The following BLK variants were observed in gnomAD, a reference collection of about 807,000 sequenced individuals.
BLK encodes tyrosine-protein kinase Blk.
Under a neutral mutation model 61.8 loss-of-function variants are expected in BLK, and 64 were observed. The observed-to-expected ratio is 1.03, with a 90% CI of 0.85 to 1.27. BLK has a LOEUF of 1.27. Ranked by LOEUF, BLK falls within the 50% of genes most tolerant of loss-of-function variation. The pLI is 0.00. For synonymous variants in BLK, 351 were observed against 272.0 expected, an observed-to-expected ratio of 1.29 and a Z score of -2.86; for missense variants, 853 against 660.5, an observed-to-expected ratio of 1.29 and a Z score of -3.19.
At chr8:11,542,997 T>C (rs1199502719) in intron 1 of BLK, among the ~76,000 whole-genome samples, 1 of 152,138 alleles carries the variant, frequency 6.6e-6, no homozygotes, top group Non-Finnish European at 1.5e-5. Flanking sequence ...AGGATTTCTG[T>C]GTCCTAAATG....
At chr8:11,523,168 A>G (rs1417757751) in intron 1 of BLK, among the ~76,000 whole-genome samples, 1 of 152,158 alleles carries the variant, frequency 6.6e-6, no homozygotes, top group East Asian at 1.9e-4. Flanking sequence ...TGAACGACAC[A>G]GGAAAGATTA....
chr8:11,531,881 CAG>C (rs1294636351), intron 1 of BLK, among the ~76,000 whole-genome samples: 1 of 152,164 alleles, frequency 6.6e-6, no homozygotes, highest in Non-Finnish European at 1.5e-5. Flanking sequence ...GTTTTTGAGA[CAG>C]AGTCTCGCCC....
chr8:11,498,884 T>C (rs1377048215), intron 1 of BLK, among the ~76,000 whole-genome samples: 3 of 152,236 alleles, frequency 2.0e-5, no homozygotes. Context: ...CAGGGTGCAC[T>C]CAATTCTCAA....
chr8:11,504,688 T>G (rs1047077584), intron 1 of BLK, among the ~76,000 whole-genome samples: 1 of 152,258 alleles, frequency 6.6e-6, no homozygotes, highest in African/African-American at 2.4e-5. Flanking sequence ...ATATGGTGAC[T>G]TGCTGTTTGA....
At chr8:11,543,155 AT>A (rs899822881) in intron 1 of BLK, 68 bp from the exon 2 acceptor site, 51 of 1,609,416 alleles carry the variant, frequency 3.2e-5, no homozygotes, top group Non-Finnish European at 4.2e-5. Flanking sequence ...GGGGCCAGGG[AT>A]CCCCTCTGTG....
At chr8:11,502,848 G>C (rs905216560) in intron 1 of BLK, among the ~76,000 whole-genome samples, 1 of 152,164 alleles carries the variant, frequency 6.6e-6, no homozygotes, top group African/African-American at 2.4e-5. Context: ...GGGTGACCCT[G>C]CTTTGTGCTC....
intron 1 of BLK, among the ~76,000 whole-genome samples, chr8:11,530,799 T>C (rs942764448): frequency 1.3e-5 from 2 of 152,240 alleles, no homozygotes; most frequent in African/African-American, 4.8e-5. Context: ...AGCTGGGAGC[T>C]AATTAATATG....
At chr8:11,543,104 G>A (rs989510212) in intron 1 of BLK, 120 bp from the exon 2 acceptor site, 3 of 1,511,158 alleles carry the variant, frequency 2.0e-6, no homozygotes, top group Admixed American at 3.6e-5. Context: ...GGTCTTTGCT[G>A]CACCCACTTC....
At chr8:11,498,441 G>T (rs1322931960) in intron 1 of BLK, among the ~76,000 whole-genome samples, 1 of 152,086 alleles carries the variant, frequency 6.6e-6, no homozygotes, top group Non-Finnish European at 1.5e-5. Context: ...TTCCCAAAGG[G>T]GTCTGTGAAC....
At chr8:11,538,395 A>T (rs189365541) in intron 1 of BLK, among the ~76,000 whole-genome samples, 1 of 152,340 alleles carries the variant, frequency 6.6e-6, no homozygotes, top group Admixed American at 6.5e-5. Flanking sequence ...CCAGGTCTCC[A>T]GTCAAAGCCA....
rs531131681 is a variant in BLK, at chr8:11,501,408, G to GTGTC, written c.-2+6831_-2+6834dup. On this transcript the variant is annotated intron_variant, in intron 1 of 12. Coordinates refer to ENST00000259089, the MANE Select transcript of BLK (RefSeq NM_001715.3). ...GGAAAGGAATCATTTCTACTTTGTG[G>GTGTC]TGTCTGTCTGTCTGTCTATCTGATG... Among the ~76,000 whole-genome samples, 1,263 of 149,922 alleles carry GTGTC rather than the reference G, an allele frequency of 8.4e-3. 22 individuals are homozygous for GTGTC. Among genetic ancestry groups the GTGTC allele is most frequent in the African/African-American group, 0.028 (1,153 of 40,628 alleles).
chr8:11,529,582 G>A (rs551082201), intron 1 of BLK, among the ~76,000 whole-genome samples: 1 of 152,172 alleles, frequency 6.6e-6, no homozygotes. Context: ...GCCTCCAGCT[G>A]CATGACTCCT....
rs1303056962 is a variant in BLK at position 11,563,997 on chromosome 8, C to T, written c.1407C>T (p.Ile469=). The stretch of plus-strand genomic sequence containing the variant: ...CGCCCGAGCTGTACCGCGGCGTCAT[C>T]GCCGAGTGCTGGCGCAGCCGGCCCG... The part of the protein sequence containing the change: ...TCPPELYRGV[I]AECWRSRPEE... Residue 469 remains isoleucine, a synonymous_variant, in exon 13 of 13, where the codon ATC becomes ATT. Transcript: ENST00000259089. 8 of 1,605,702 alleles carry T rather than the reference C, an allele frequency of 5.0e-6. No individual in the cohort carries two copies. The highest frequency in any genetic ancestry group is 1.3e-5 in the African/African-American group (1 of 74,910).
chr8:11,494,927 C>T (rs78699064), intron 1 of BLK, among the ~76,000 whole-genome samples: 3,714 of 152,294 alleles, frequency 0.024, 147 homozygotes, highest in African/African-American at 0.082. Context: ...GCGCTCCCGG[C>T]GAGTCACTCG....
chr8:11,543,006 T>C (rs1800453829), intron 1 of BLK, among the ~76,000 whole-genome samples: 1 of 152,186 alleles, frequency 6.6e-6, no homozygotes, highest in Non-Finnish European at 1.5e-5. Flanking sequence ...GTGTCCTAAA[T>C]GCAGTGCTTT....
At chr8:11,546,830 C>G (rs771277361) in intron 3 of BLK, among the ~76,000 whole-genome samples, 3 of 152,234 alleles carry the variant, frequency 2.0e-5, no homozygotes, top group African/African-American at 7.2e-5. Flanking sequence ...CCCGCCTCAG[C>G]CTCTCAAAGT....
chr8:11,497,316 C>T (rs1798395558), intron 1 of BLK, among the ~76,000 whole-genome samples: 1 of 152,146 alleles, frequency 6.6e-6, no homozygotes, highest in Admixed American at 6.5e-5. Flanking sequence ...CCACAGCAGC[C>T]CTCCCATTTG....
At position 11,555,425 on chromosome 8, in the gene BLK, G is replaced by C; in HGVS notation, c.713G>C (p.Arg238Pro). 3 of 1,614,158 alleles carry C rather than the reference G, an allele frequency of 1.9e-6. No homozygotes were observed. The highest frequency in any genetic ancestry group is 1.7e-6 in the Non-Finnish European group (2 of 1,180,010). ...GCCCAGGATGAATGGGAGATCCCCC[G>C]GCAGTCTCTCAGGCTGGTCAGGAAA... ...PWAQDEWEIP[R>P]QSLRLVRKLG... is the part of the protein sequence containing the mutation. The change falls in exon 8 of 13, where the codon CGG becomes CCG. Residue 238 changes from arginine to proline, a missense_variant. Transcript: ENST00000259089.
Position 11,543,273 on chromosome 8 carries a change from GAGA to G in BLK, c.52_54del (p.Lys18del). Reference sequence around the variant, plus strand: ...GCCGGACAAGGAAAAGCCGATCAAAGAGAAGGACAAGGGCCAATGGAGCCCCCT... The same window carrying G: ...GCCGGACAAGGAAAAGCCGATCAAAGAGGACAAGGGCCAATGGAGCCCCCT... On this transcript the variant is annotated inframe_deletion, in exon 2 of 13. Coordinates refer to ENST00000259089, the MANE Select transcript of BLK (RefSeq NM_001715.3). 1.2e-6 allele frequency: 2 copies of G among 1,614,042 alleles called. No homozygotes were observed. Among genetic ancestry groups the G allele is most frequent in the Non-Finnish European group, 1.7e-6 (2 of 1,180,022 alleles).
Sources: allele counts gnomAD v4.1 joint callset (sites outside exome capture counted in the v4.1 genomes callset), GRCh38; gene constraint gnomAD v4.1.1; transcripts MANE v1.5; gene names NCBI Gene and HGNC (gene_info 2026-07-23, HGNC 2026-07-21).